LINGO2: variants seen among roughly 807,000 people sequenced by gnomAD.
LINGO2 encodes the protein leucine-rich repeat and immunoglobulin-like domain-containing nogo receptor-interacting protein 2.
Under a neutral mutation model 30.6 loss-of-function variants are expected in LINGO2, and 14 were observed. The observed-to-expected ratio is 0.46, with a 90% CI of 0.30 to 0.72. The LOEUF (loss-of-function observed/expected upper bound fraction) is 0.72. LINGO2 is among the 30% of genes least tolerant of loss of function. LINGO2 has a pLI of 0.07. For missense variants in LINGO2, 729 were observed against 751.7 expected, an observed-to-expected ratio of 0.97 and a Z score of 0.35; for synonymous variants, 317 against 288.5, an observed-to-expected ratio of 1.10 and a Z score of -1.00.
At chr9:28,081,236 A>G (rs1434820215) in intron 4 of LINGO2, among the ~76,000 whole-genome samples, 1 of 152,082 alleles carries the variant, frequency 6.6e-6, no homozygotes, top group Non-Finnish European at 1.5e-5. Flanking sequence ...GACATTGCCA[A>G]ATGTCCCCAG....
intron 2 of LINGO2, among the ~76,000 whole-genome samples, chr9:28,434,540 A>C (rs1240908994): frequency 6.6e-6 from 1 of 151,722 alleles, no homozygotes; most frequent in Non-Finnish European, 1.5e-5. Flanking sequence ...AAAAAAAAAA[A>C]AAAAAAATAC....
the LINGO2 span, among the ~76,000 whole-genome samples, chr9:28,887,528 AG>A: frequency 6.6e-6 from 1 of 152,106 alleles, no homozygotes; most frequent in African/African-American, 2.4e-5. Context: ...GGGCATGTTC[AG>A]GGTGACATAT....
chr9:28,190,810 C>G (rs1424122366), intron 4 of LINGO2, among the ~76,000 whole-genome samples: 1 of 152,120 alleles, frequency 6.6e-6, no homozygotes, highest in Non-Finnish European at 1.5e-5. Flanking sequence ...GGTCAAGCCA[C>G]TAGTCCAAAC....
chr9:28,500,436 AC>A (rs1195340763), intron 1 of LINGO2, among the ~76,000 whole-genome samples: 1 of 152,222 alleles, frequency 6.6e-6, no homozygotes, highest in Non-Finnish European at 1.5e-5. Context: ...TAAAGGTACT[AC>A]TGTAGCTAGA....
At chr9:29,017,686 C>G in the LINGO2 span, among the ~76,000 whole-genome samples, 64 of 152,176 alleles carry the variant, frequency 4.2e-4, no homozygotes, top group Admixed American at 1.4e-3. Flanking sequence ...AATAGCCTAT[C>G]TGGGATCAGT....
At chr9:28,301,901 A>G (rs1345304672) in intron 3 of LINGO2, among the ~76,000 whole-genome samples, 1 of 152,180 alleles carries the variant, frequency 6.6e-6, no homozygotes, top group Admixed American at 6.6e-5. Flanking sequence ...CCTACAAGCC[A>G]GAAGAGATTG....
chr9:28,442,161 T>C (rs575010936), intron 2 of LINGO2, among the ~76,000 whole-genome samples: 2 of 152,084 alleles, frequency 1.3e-5, no homozygotes, highest in Non-Finnish European at 2.9e-5. Context: ...AAAAAAAAGT[T>C]TCCTATTTGT....
At chr9:28,779,477 T>C in the LINGO2 span, among the ~76,000 whole-genome samples, 1 of 152,162 alleles carries the variant, frequency 6.6e-6, no homozygotes, top group African/African-American at 2.4e-5. Flanking sequence ...TGTTTTCCCC[T>C]GAGGAGTATT....
intron 1 of LINGO2, among the ~76,000 whole-genome samples, chr9:28,604,371 T>G (rs1825616325): frequency 6.6e-6 from 1 of 152,092 alleles, no homozygotes; most frequent in Non-Finnish European, 1.5e-5. Flanking sequence ...AAGCCTAATC[T>G]TTGCTCATAT....
intron 1 of LINGO2, among the ~76,000 whole-genome samples, chr9:28,491,406 T>A (rs948898739): frequency 6.6e-6 from 1 of 152,262 alleles, no homozygotes; most frequent in East Asian, 1.9e-4. Context: ...TACAGGATAA[T>A]CTCTGCATCA....
intron 4 of LINGO2, among the ~76,000 whole-genome samples, chr9:28,234,080 T>C (rs570457594): frequency 3.9e-5 from 6 of 152,132 alleles, no homozygotes; most frequent in Non-Finnish European, 7.4e-5. Context: ...GACTTTGTCT[T>C]GGACCTTAGT....
the LINGO2 span, among the ~76,000 whole-genome samples, chr9:28,907,013 C>A: frequency 2.6e-5 from 4 of 151,974 alleles, no homozygotes; most frequent in African/African-American, 7.2e-5. Context: ...GACTCACATG[C>A]GTTAAAGCTA....
At chr9:27,991,351 G>A (rs1025576958) in intron 5 of LINGO2, among the ~76,000 whole-genome samples, 13 of 151,922 alleles carry the variant, frequency 8.6e-5, no homozygotes, top group African/African-American at 3.1e-4. Context: ...TTGTGGCTTT[G>A]GTCTTTTTAC....
At chr9:28,747,271 G>A in the LINGO2 span, among the ~76,000 whole-genome samples, 1 of 151,962 alleles carries the variant, frequency 6.6e-6, no homozygotes, top group Non-Finnish European at 1.5e-5. Context: ...TTAGAGTGAA[G>A]ATTGGCTACT....
chr9:28,061,577 A>G (rs1245672003), intron 4 of LINGO2, among the ~76,000 whole-genome samples: 2 of 152,074 alleles, frequency 1.3e-5, no homozygotes, highest in Non-Finnish European at 2.9e-5. Flanking sequence ...AAAAAAGTAA[A>G]TGAAATAAAA....
the LINGO2 span, among the ~76,000 whole-genome samples, chr9:29,106,307 G>A: frequency 6.6e-6 from 1 of 152,044 alleles, no homozygotes; most frequent in Non-Finnish European, 1.5e-5. Flanking sequence ...CATTTGGGGA[G>A]ACTCTTTTGT....
At chr9:28,912,307 T>G in the LINGO2 span, among the ~76,000 whole-genome samples, 1 of 152,056 alleles carries the variant, frequency 6.6e-6, no homozygotes, top group African/African-American at 2.4e-5. Context: ...GTGCTGCCCA[T>G]ACTTTTCTTT....
At chr9:28,019,432 C>G (rs1360948535) in intron 4 of LINGO2, among the ~76,000 whole-genome samples, 2 of 151,774 alleles carry the variant, frequency 1.3e-5, no homozygotes, top group Admixed American at 6.6e-5. Flanking sequence ...AGATTAGAAC[C>G]CTAATCTGGT....
rs527240825 is a variant in LINGO2 at position 27,974,766 on chromosome 9, G to C, written c.-35-24060C>G. Among the ~76,000 whole-genome samples, 18 of 152,094 alleles carry C rather than the reference G, an allele frequency of 1.2e-4. 1 individual carries two copies. The South Asian group carries it at 3.7e-3, about 32-fold the overall frequency. ...TATTCAATATTTCAGCCATCACTAA[G>C]ATGAGAAAAGAAAAAAAAGTTTCTT... On this transcript the variant is annotated intron_variant, in intron 5 of 5. Transcript: ENST00000379992.
Sources: gnomAD v4.1 joint callset for allele counts (sites outside exome capture counted in the v4.1 genomes callset) on GRCh38, gnomAD v4.1.1 for gene constraint, MANE v1.5 for transcripts, NCBI Gene and HGNC (gene_info 2026-07-23, HGNC 2026-07-21) for gene names.